The following MIEF1 variants were observed in gnomAD, a reference collection of about 807,000 sequenced individuals.
MIEF1 encodes mitochondrial dynamics protein MIEF1.
Under a neutral mutation model 35.1 loss-of-function variants are expected in MIEF1, and 14 were observed. The ratio of observed to expected loss-of-function variants is 0.40; its 90% CI spans 0.26 to 0.62. MIEF1 has a LOEUF of 0.62. Among genes scored for constraint, MIEF1 ranks in the 20% least tolerant of loss-of-function variants. The pLI is 0.43. For synonymous variants in MIEF1, 245 were observed against 254.3 expected (o/e 0.96, Z 0.35); for missense variants, 542 against 615.4 (o/e 0.88, Z 1.26).
At chr22:39,511,472 G>C in intron 3 of MIEF1, 34 bp downstream of exon 3, 4 of 1,519,278 alleles carry the variant, frequency 2.6e-6, no homozygotes, top group Non-Finnish European at 3.5e-6. Context: ...GGGGTGGAAT[G>C]TAGTGGTATG....
intron 5 of MIEF1, among the ~76,000 whole-genome samples, chr22:39,513,267 AT>A (rs1930460266): frequency 6.6e-6 from 1 of 151,860 alleles, no homozygotes; most frequent in African/African-American, 2.4e-5. Flanking sequence ...TGCCTGGCTA[AT>A]TTTTTTGTAT....
Position 39,512,038 on chromosome 22 carries a change from T to C in MIEF1, c.322+12T>C. On this transcript the variant is annotated intron_variant, in intron 4 of 5. Transcript: ENST00000325301. ...CACCTTCGACACAGGTGAGAAGGGCTGCTGCCCCTCCTGGGACCTCTCTGG... is the reference window on the plus strand; with the variant it reads ...CACCTTCGACACAGGTGAGAAGGGCCGCTGCCCCTCCTGGGACCTCTCTGG... 1 of 1,608,386 alleles carries C rather than the reference T, an allele frequency of 6.2e-7. No individual in the cohort carries two copies. The highest frequency in any genetic ancestry group is 8.5e-7 in the Non-Finnish European group (1 of 1,176,672).
At chr22:39,504,639 G>A (rs1929926701) in intron 2 of MIEF1, 105 bp downstream of exon 2, 1 of 362,088 alleles carries the variant, frequency 2.8e-6, no homozygotes, top group Admixed American at 4.7e-5. Context: ...TGCAGAGCCA[G>A]GTGCACTGGT....
chr22:39,511,797 G>T, intron 3 of MIEF1, 52 bp from the exon 4 acceptor site: 1 of 1,548,964 alleles, frequency 6.5e-7, no homozygotes, highest in African/African-American at 1.4e-5. Context: ...AAATTGGAAG[G>T]AAATAGGGAA....
Position 39,514,243 on chromosome 22 carries a change from C to A in MIEF1, c.1312C>A (p.Leu438Ile), listed in dbSNP as rs772983602. The A allele has an allele frequency of 1.3e-4, 204 of 1,614,106 alleles. No homozygotes were observed. The highest frequency in any genetic ancestry group is 1.6e-4 in the Non-Finnish European group (191 of 1,180,048). ...CCCCAAGGTGAACTTATTTGCAGAGCTCACCCCTGAAGAAATAGACGAATT... is the reference window on the plus strand; with the variant it reads ...CCCCAAGGTGAACTTATTTGCAGAGATCACCCCTGAAGAAATAGACGAATT... ...LNPKVNLFAE[L>I]TPEEIDELGY... The change falls in exon 6 of 6, where the codon CTC (leucine) becomes ATC (isoleucine). Residue 438 changes from leucine (L) to isoleucine (I), a missense_variant. Transcript: ENST00000325301.
Position 39,514,500 on chromosome 22 carries a change from C to A in MIEF1, c.*177C>A. The A allele has an allele frequency of 1.6e-6, 1 of 644,548 alleles. No individual in the cohort carries two copies. The highest frequency in any genetic ancestry group is 2.6e-6 in the Non-Finnish European group (1 of 379,034). The allele number at this position is 644,548 out of a possible 1,614,324, so 39.9% of individuals were successfully genotyped here. A position where few individuals can be genotyped will look rare whatever the true frequency, so the allele number is the denominator to read the frequency against. Reference sequence around the variant, plus strand: ...CTCTTTCGTCTCCTATTTTGTTACCCAACTCTTCCTATTTTTGTTACCAAT... The same window carrying A: ...CTCTTTCGTCTCCTATTTTGTTACCAAACTCTTCCTATTTTTGTTACCAAT... On this transcript the variant is annotated 3_prime_UTR_variant, in exon 6 of 6. Coordinates refer to ENST00000325301, the MANE Select transcript of MIEF1 (RefSeq NM_019008.6).
At chr22:39,507,955 A>C (rs1930129937) in intron 2 of MIEF1, among the ~76,000 whole-genome samples, 2 of 152,210 alleles carry the variant, frequency 1.3e-5, no homozygotes, top group Admixed American at 1.3e-4. Flanking sequence ...CAAAAGGTGC[A>C]CTGTCACTCA....
chr22:39,508,244 T>C (rs139197957), intron 2 of MIEF1, among the ~76,000 whole-genome samples: 91 of 152,300 alleles, frequency 6.0e-4, no homozygotes, highest in Non-Finnish European at 1.1e-3. Context: ...AAGTCAGGGC[T>C]CAAGGCAAGT....
rs1930480857 is a variant in MIEF1, at chr22:39,513,510, C to G, written c.586-7C>G. ...CCCTCAAAACCCTTTAAATTCTGCC[C>G]TGACAGGTGGTGACAGCTGACCACA... On this transcript the variant is annotated splice_region_variant and splice_polypyrimidine_tract_variant and intron_variant, in intron 5 of 5. Transcript: ENST00000325301. 2.5e-6 allele frequency: 4 copies of G among 1,612,496 alleles called. No individual in the cohort carries two copies. Among genetic ancestry groups the G allele is most frequent in the Admixed American group, 1.7e-5 (1 of 59,962 alleles).
At chr22:39,506,829 C>T (rs1451163195) in intron 2 of MIEF1, among the ~76,000 whole-genome samples, 2 of 152,178 alleles carry the variant, frequency 1.3e-5, no homozygotes, top group Non-Finnish European at 1.5e-5. Context: ...TAGTTCTGCC[C>T]ACCAGGTCTG....
At position 39,513,726 on chromosome 22, in the gene MIEF1, A is replaced by G. The variant is rs138903318; in HGVS notation, c.795A>G (p.Thr265=). Residue 265 remains threonine, a synonymous_variant, in exon 6 of 6, where the codon ACA becomes ACG. Coordinates refer to ENST00000325301, the MANE Select transcript of MIEF1 (RefSeq NM_019008.6). The part of the protein sequence containing the change: ...GYLSPKTVAD[T]FEKVVAGSIN... The stretch of plus-strand genomic sequence containing the variant: ...TCTCTCCAAAGACAGTCGCAGATAC[A>G]TTTGAGAAGGTAGTGGCTGGCTCCA... 6.2e-7 allele frequency: 1 copy of G among 1,613,990 alleles called. No homozygotes were observed. The highest frequency in any genetic ancestry group is 1.3e-5 in the African/African-American group (1 of 74,890).
At position 39,504,198 on chromosome 22, in the gene MIEF1, T is replaced by C. The variant is rs903600273; in HGVS notation, c.-339-5T>C. On this transcript the variant is annotated splice_polypyrimidine_tract_variant and splice_region_variant and intron_variant, in intron 1 of 5. Coordinates refer to ENST00000325301, the MANE Select transcript of MIEF1 (RefSeq NM_019008.6). ...AGGCTTGTATGTCTTTCCTTCTGTTTATAGTGTGACACCCAGCCCCTGCCA... is the reference window on the plus strand; with the variant it reads ...AGGCTTGTATGTCTTTCCTTCTGTTCATAGTGTGACACCCAGCCCCTGCCA... 1.8e-5 allele frequency: 7 copies of C among 399,020 alleles called. 1 individual carries two copies. The highest frequency in any genetic ancestry group is 2.7e-5 in the Non-Finnish European group (6 of 226,146). 24.7% of individuals were successfully genotyped at this position (399,020 alleles called of 1,614,324 possible). A position where few individuals can be genotyped will look rare whatever the true frequency, so the allele number is the denominator to read the frequency against.
intron 2 of MIEF1, 55 bp from the exon 3 acceptor site, chr22:39,511,233 G>A: frequency 6.2e-7 from 1 of 1,607,536 alleles, no homozygotes; most frequent in Non-Finnish European, 8.5e-7. Flanking sequence ...CTTGTTAGGG[G>A]AGGGAGGTTC....
rs1569019050 is a variant in MIEF1 at position 39,512,262 on chromosome 22, TGGCCAGGAAG to T, written c.361_370del (p.Lys121Ter). 6.2e-7 allele frequency: 1 copy of T among 1,613,850 alleles called. No homozygotes were observed. Among genetic ancestry groups the T allele is most frequent in the Non-Finnish European group, 8.5e-7 (1 of 1,180,002 alleles). On this transcript the variant is annotated frameshift_variant, in exon 5 of 6. Coordinates refer to ENST00000325301, the MANE Select transcript of MIEF1 (RefSeq NM_019008.6). LOFTEE classifies it high-confidence loss of function. ...TTCTGCCCGCCCCGGCCCAAGCCAG[TGGCCAGGAAG>T]GGCCAGGTAGACTTGAAGAAGTCAC...
At position 39,504,211 on chromosome 22, in the gene MIEF1, C is replaced by G. The variant is rs1601741863; in HGVS notation, c.-331C>G. On this transcript the variant is annotated 5_prime_UTR_variant, in exon 2 of 6. Coordinates refer to ENST00000325301, the MANE Select transcript of MIEF1 (RefSeq NM_019008.6). ...TTTCCTTCTGTTTATAGTGTGACAC[C>G]CAGCCCCTGCCAGTCCCCCATGGCC... 2.5e-6 allele frequency: 1 copy of G among 399,268 alleles called. No homozygotes were observed. 24.7% of individuals were successfully genotyped at this position (399,268 alleles called of 1,614,324 possible).
Position 39,514,670 on chromosome 22 carries a change from G to T in MIEF1, c.*347G>T. 1 of 326,994 alleles carries T rather than the reference G, an allele frequency of 3.1e-6. No homozygotes were observed. The highest frequency in any genetic ancestry group is 5.7e-6 in the Non-Finnish European group (1 of 175,538). 20.3% of individuals were successfully genotyped at this position (326,994 alleles called of 1,614,324 possible). A position where few individuals can be genotyped will look rare whatever the true frequency, so the allele number is the denominator to read the frequency against. The stretch of plus-strand genomic sequence containing the variant: ...TGCCTCTATCTGGTCTGCCTTGCCC[G>T]TTTGCCTGTTCCTATTCAGTGTCTT... On this transcript the variant is annotated 3_prime_UTR_variant, in exon 6 of 6. Coordinates refer to ENST00000325301, the MANE Select transcript of MIEF1 (RefSeq NM_019008.6).
intron 2 of MIEF1, among the ~76,000 whole-genome samples, chr22:39,506,214 C>T (rs1930007312): frequency 6.6e-6 from 1 of 152,156 alleles, no homozygotes; most frequent in African/African-American, 2.4e-5. Context: ...ACTTCATTCC[C>T]ACAACATATA....
chr22:39,511,937 G>A lies in MIEF1; in HGVS notation c.233G>A (p.Gly78Asp). 1 of 1,614,214 alleles carries A rather than the reference G, an allele frequency of 6.2e-7. No individual in the cohort carries two copies. Among genetic ancestry groups the A allele is most frequent in the South Asian group, 1.1e-5 (1 of 91,086 alleles). ...KRSWEEPNWM[G>D]SPRLLNRDMK... Reference sequence around the variant, plus strand: ...AGCTGGGAAGAACCCAACTGGATGGGCTCCCCACGACTGCTGAACAGGGAC... The same window carrying A: ...AGCTGGGAAGAACCCAACTGGATGGACTCCCCACGACTGCTGAACAGGGAC... Residue 78 changes from glycine to aspartate, a missense_variant, in exon 4 of 6, where the codon GGC becomes GAC. Physicochemically the swap from Gly to Asp is moderately conservative, Grantham distance 94. Transcript: ENST00000325301.
chr22:39,515,256 T>C lies in MIEF1; in HGVS notation c.*933T>C, dbSNP rs1402573738. On this transcript the variant is annotated 3_prime_UTR_variant, in exon 6 of 6. Coordinates refer to ENST00000325301, the MANE Select transcript of MIEF1 (RefSeq NM_019008.6). ...ACAAGGCCTTGAAGGAACGCAGCCT[T>C]AGACATCAGGTGAGGATGATGGAGG... The C allele has an allele frequency of 1.4e-6, 1 of 717,360 alleles. No individual in the cohort carries two copies. The highest frequency in any genetic ancestry group is 2.7e-5 in the East Asian group (1 of 37,292). 44.4% of individuals were successfully genotyped at this position (717,360 alleles called of 1,614,324 possible).
Sources: allele counts gnomAD v4.1 joint callset (sites outside exome capture counted in the v4.1 genomes callset), GRCh38; gene constraint gnomAD v4.1.1; transcripts MANE v1.5; gene names NCBI Gene and HGNC (gene_info 2026-07-23, HGNC 2026-07-21).